Variants in ZFHX3 observed in about 807,000 individuals in gnomAD.
ZFHX3 encodes the protein zinc finger homeobox protein 3.
In ZFHX3, 42 loss-of-function variants were observed where a neutral mutation model predicts 279.1. The ratio of observed to expected loss-of-function variants is 0.15; its 90% confidence interval spans 0.12 to 0.19. The LOEUF (loss-of-function observed/expected upper bound fraction) is 0.19. Ranked by LOEUF, ZFHX3 falls within the 10% of genes least tolerant of loss-of-function variation. The pLI is 1.00. For synonymous variants in ZFHX3, 2,293 were observed against 1,957.8 expected, an observed-to-expected ratio of 1.17 and a Z score of -4.52; for missense variants, 4,981 against 4,754.0, an observed-to-expected ratio of 1.05 and a Z score of -1.40.
At chr16:72,970,311 G>C (rs755432962) in intron 1 of ZFHX3, among the ~76,000 whole-genome samples, 3 of 151,798 alleles carry the variant, frequency 2.0e-5, no homozygotes, top group Non-Finnish European at 2.9e-5. Context: ...AGACAAACCA[G>C]CTATTATTTA....
chr16:72,901,831 G>A (rs577704718), intron 3 of ZFHX3, among the ~76,000 whole-genome samples: 28 of 152,294 alleles, frequency 1.8e-4, no homozygotes, highest in African/African-American at 6.5e-4. Context: ...CGATGACACT[G>A]CTCATTTCCC....
intron 2 of ZFHX3, among the ~76,000 whole-genome samples, chr16:73,576,541 GTCA>G (rs1397896681): frequency 6.6e-6 from 1 of 151,946 alleles, no homozygotes; most frequent in Non-Finnish European, 1.5e-5. Flanking sequence ...TGATTCTTCC[GTCA>G]TCATAGACAC....
intron 2 of ZFHX3, among the ~76,000 whole-genome samples, chr16:73,556,747 T>C (rs1377221977): frequency 6.6e-6 from 1 of 152,064 alleles, no homozygotes; most frequent in East Asian, 1.9e-4. Context: ...CCTGGTCTTC[T>C]TTACTCAACA....
chr16:73,262,534 T>C (rs950626615), intron 4 of ZFHX3, among the ~76,000 whole-genome samples: 4 of 152,066 alleles, frequency 2.6e-5, no homozygotes, highest in Admixed American at 6.5e-5. Flanking sequence ...GGTGATCTAA[T>C]ATGTGTCTCT....
At chr16:73,250,386 T>C (rs765269842) in intron 5 of ZFHX3, among the ~76,000 whole-genome samples, 1 of 152,214 alleles carries the variant, frequency 6.6e-6, no homozygotes, top group African/African-American at 2.4e-5. Flanking sequence ...TGGATGTGTG[T>C]GTGTTTATTT....
chr16:72,976,790 A>T (rs972876612), intron 1 of ZFHX3, among the ~76,000 whole-genome samples: 1 of 152,204 alleles, frequency 6.6e-6, no homozygotes, highest in Non-Finnish European at 1.5e-5. Context: ...AACACTGACC[A>T]TGGCATCTCA....
At chr16:73,889,175 C>T (rs1053534060) in intron 1 of ZFHX3, among the ~76,000 whole-genome samples, 2 of 152,062 alleles carry the variant, frequency 1.3e-5, no homozygotes, top group African/African-American at 4.8e-5. Context: ...AGGAGAAAGC[C>T]GGTCTTAGAA....
At chr16:72,902,217 T>C (rs772943196) in intron 3 of ZFHX3, among the ~76,000 whole-genome samples, 1 of 152,218 alleles carries the variant, frequency 6.6e-6, no homozygotes, top group Non-Finnish European at 1.5e-5. Context: ...CCCAGAATCA[T>C]CCTAACGGAT....
At chr16:73,294,901 G>A (rs2014870215) in intron 4 of ZFHX3, among the ~76,000 whole-genome samples, 1 of 151,352 alleles carries the variant, frequency 6.6e-6, no homozygotes, top group Admixed American at 6.6e-5. Flanking sequence ...TTCTTTCATG[G>A]ACGGATATTA....
intron 5 of ZFHX3, among the ~76,000 whole-genome samples, chr16:72,821,629 A>T (rs1382155525): frequency 2.6e-5 from 4 of 152,210 alleles, no homozygotes; most frequent in African/African-American, 9.7e-5. Context: ...TAGGTAATAA[A>T]GCACAATATT....
At chr16:72,982,432 A>T (rs1170209962) in intron 1 of ZFHX3, among the ~76,000 whole-genome samples, 1 of 152,074 alleles carries the variant, frequency 6.6e-6, no homozygotes, top group African/African-American at 2.4e-5. Context: ...AGAATCACCA[A>T]CTCACAGAGA....
intron 3 of ZFHX3, among the ~76,000 whole-genome samples, chr16:73,348,733 G>T (rs2016167298): frequency 6.6e-6 from 1 of 152,216 alleles, no homozygotes; most frequent in Admixed American, 6.5e-5. Flanking sequence ...GGAGGCTCTT[G>T]TGGGACCCAC....
chr16:73,294,525 T>A (rs1015460513), intron 4 of ZFHX3, among the ~76,000 whole-genome samples: 1 of 152,156 alleles, frequency 6.6e-6, no homozygotes, highest in African/African-American at 2.4e-5. Flanking sequence ...AAAACAGGCC[T>A]GGGGGCTGGG....
At chr16:73,569,442 T>C (rs1262907960) in intron 2 of ZFHX3, among the ~76,000 whole-genome samples, 5 of 151,960 alleles carry the variant, frequency 3.3e-5, no homozygotes, top group Non-Finnish European at 5.9e-5. Context: ...ATACCGATGT[T>C]CCCATTAACA....
chr16:73,003,533 C>T (rs1371573314), intron 1 of ZFHX3, among the ~76,000 whole-genome samples: 2 of 135,914 alleles, frequency 1.5e-5, no homozygotes, highest in African/African-American at 5.7e-5. Context: ...CCCACCCCGC[C>T]CCATCTCTTA....
chr16:73,308,536 C>A (rs1292820377), intron 4 of ZFHX3, among the ~76,000 whole-genome samples: 1 of 151,790 alleles, frequency 6.6e-6, no homozygotes, highest in African/African-American at 2.4e-5. Context: ...TGGGAGTTCA[C>A]CAGATGGTGA....
intron 1 of ZFHX3, among the ~76,000 whole-genome samples, chr16:73,689,993 G>A (rs112213206): frequency 0.16 from 24,034 of 151,806 alleles, 2,047 homozygotes; most frequent in South Asian, 0.21. Flanking sequence ...TCGGCTCACC[G>A]CAACCTCCAC....
At chr16:73,091,675 G>T (rs555987848) in intron 8 of ZFHX3, among the ~76,000 whole-genome samples, 122 of 152,188 alleles carry the variant, frequency 8.0e-4, no homozygotes, top group African/African-American at 2.6e-3. Context: ...TTTATTTTAC[G>T]ATCTTCATGG....
chr16:73,322,094 A>C (rs2015585923), intron 3 of ZFHX3, among the ~76,000 whole-genome samples: 1 of 152,210 alleles, frequency 6.6e-6, no homozygotes, highest in Admixed American at 6.5e-5. Context: ...GACTTTGCTC[A>C]GTAAGCTGGC....
Sources: gnomAD v4.1 joint callset for allele counts (sites outside exome capture counted in the v4.1 genomes callset) on GRCh38, gnomAD v4.1.1 for gene constraint, MANE v1.5 for transcripts, NCBI Gene and HGNC (gene_info 2026-07-23, HGNC 2026-07-21) for gene names.